Variants in SDK1 observed in about 807,000 individuals in gnomAD.
SDK1 encodes protein sidekick-1.
SDK1 carries 157 observed loss-of-function variants against 245.5 expected under a neutral mutation model. The observed-to-expected ratio is 0.64, with a 90% CI of 0.56 to 0.73. SDK1 has a LOEUF of 0.73. SDK1 is among the 30% of genes least tolerant of loss of function. The pLI is 0.00. For missense variants in SDK1, 3,583 were observed against 3,002.3 expected, an observed-to-expected ratio of 1.19 and a Z score of -4.52; for synonymous variants, 1,647 against 1,278.5, an observed-to-expected ratio of 1.29 and a Z score of -6.15.
intron 1 of SDK1, among the ~76,000 whole-genome samples, chr7:3,308,517 C>A (rs985460902): frequency 1.3e-5 from 2 of 151,732 alleles, no homozygotes; most frequent in Admixed American, 1.3e-4. Context: ...AAGATAACAG[C>A]TATCAATTAA....
At chr7:3,720,376 C>G (rs1785332807) in intron 4 of SDK1, among the ~76,000 whole-genome samples, 1 of 152,146 alleles carries the variant, frequency 6.6e-6, no homozygotes, top group Admixed American at 6.5e-5. Flanking sequence ...ATAGACTACT[C>G]TTAGAACTCA....
chr7:3,859,026 C>T (rs1042571228), intron 5 of SDK1, among the ~76,000 whole-genome samples: 4 of 148,968 alleles, frequency 2.7e-5, no homozygotes, highest in Admixed American at 2.0e-4. Flanking sequence ...CCATGCCCGG[C>T]TAATTTTTTG....
chr7:4,261,799 C>T (rs571609540), intron 44 of SDK1, among the ~76,000 whole-genome samples: 3 of 152,008 alleles, frequency 2.0e-5, no homozygotes, highest in South Asian at 4.2e-4. Context: ...CTGTGAGAGA[C>T]GGGGGCCCTG....
At chr7:3,799,549 C>G (rs951784910) in intron 4 of SDK1, among the ~76,000 whole-genome samples, 2 of 150,684 alleles carry the variant, frequency 1.3e-5, no homozygotes, top group Admixed American at 6.6e-5. Context: ...CTAAAAAATA[C>G]AAAAAATTAG....
At chr7:3,594,840 T>G (rs1369121167) in intron 1 of SDK1, among the ~76,000 whole-genome samples, 1 of 152,200 alleles carries the variant, frequency 6.6e-6, no homozygotes, top group Non-Finnish European at 1.5e-5. Flanking sequence ...GAGGATAGTT[T>G]TAAAATCAAG....
intron 1 of SDK1, among the ~76,000 whole-genome samples, chr7:3,465,463 G>C (rs950053986): frequency 5.9e-5 from 9 of 152,186 alleles, no homozygotes; most frequent in African/African-American, 2.2e-4. Flanking sequence ...GTTTCCACTA[G>C]GGATACTCTC....
intron 5 of SDK1, among the ~76,000 whole-genome samples, chr7:3,931,580 C>A (rs1779981257): frequency 1.3e-5 from 2 of 152,180 alleles, no homozygotes; most frequent in African/African-American, 2.4e-5. Flanking sequence ...GAAATCCTTG[C>A]TTTCTATTCA....
Position 3,967,375 on chromosome 7 carries a change from C to G in SDK1, c.1487C>G (p.Thr496Arg). 1.9e-6 allele frequency: 3 copies of G among 1,614,182 alleles called. No homozygotes were observed. Among genetic ancestry groups the G allele is most frequent in the Non-Finnish European group, 1.7e-6 (2 of 1,180,024 alleles). Residue 496 changes from threonine to arginine, a missense_variant, in exon 10 of 45, where the codon ACA becomes AGA. Physicochemically the swap from Thr to Arg is moderately conservative, Grantham distance 71 (BLOSUM62 -1). Coordinates refer to ENST00000404826, the MANE Select transcript of SDK1 (RefSeq NM_152744.4). ...PVDTTVTDGM[T>R]AILRCEVSGA... is the part of the protein sequence containing the mutation. The stretch of plus-strand genomic sequence containing the variant: ...GACACCACAGTTACTGACGGGATGA[C>G]AGCCATTCTAAGGTGTGAGGTGTCC...
intron 1 of SDK1, among the ~76,000 whole-genome samples, chr7:3,493,772 C>T (rs902640883): frequency 6.6e-6 from 1 of 152,178 alleles, no homozygotes; most frequent in Non-Finnish European, 1.5e-5. Flanking sequence ...GACATAGCTT[C>T]TATGACTTAT....
chr7:4,189,682 A>T (rs917496463), intron 35 of SDK1, among the ~76,000 whole-genome samples: 8 of 152,170 alleles, frequency 5.3e-5, no homozygotes, highest in Non-Finnish European at 1.2e-4. Context: ...CTCTACTAAA[A>T]ATACAAAAAT....
chr7:3,322,587 C>T (rs552740897), intron 1 of SDK1, among the ~76,000 whole-genome samples: 1 of 152,292 alleles, frequency 6.6e-6, no homozygotes, highest in Non-Finnish European at 1.5e-5. Context: ...ACAATTTCCA[C>T]CAACAATGTA....
At chr7:4,149,135 G>T in intron 29 of SDK1, 127 bp from the exon 30 acceptor site, 1 of 619,704 alleles carries the variant, frequency 1.6e-6, no homozygotes, top group Non-Finnish European at 2.5e-6. Flanking sequence ...GCTTCAGACT[G>T]TCCAAGGCAT....
At chr7:3,725,838 C>T (rs1185969988) in intron 4 of SDK1, among the ~76,000 whole-genome samples, 1 of 152,248 alleles carries the variant, frequency 6.6e-6, no homozygotes, top group Admixed American at 6.5e-5. Flanking sequence ...AATTTACTAC[C>T]GTAATAAAGT....
At chr7:3,419,349 G>C (rs1006873908) in intron 1 of SDK1, among the ~76,000 whole-genome samples, 8 of 152,144 alleles carry the variant, frequency 5.3e-5, no homozygotes, top group African/African-American at 1.9e-4. Context: ...GATAAAGTCA[G>C]TAATTAGGAT....
At position 4,149,399 on chromosome 7, in the gene SDK1, CG is replaced by C. The variant is rs1780202364; in HGVS notation, c.4565del (p.Gly1522ValfsTer22). On this transcript the variant is annotated frameshift_variant, in exon 30 of 45. Transcript: ENST00000404826. LOFTEE classifies it high-confidence loss of function. ...CACCATGCAGGTGCGAGAGCTGCCT[CG>C]GGGTGAGTGGCAGACCTACTCCTCG... ...YFTMQVRELP[R>X]GEWQTYSSSI... The C allele has an allele frequency of 1.9e-6, 3 of 1,581,802 alleles. No individual in the cohort carries two copies. Among genetic ancestry groups the C allele is most frequent in the Admixed American group, 1.8e-5 (1 of 55,756 alleles).
At chr7:3,852,975 G>C (rs1420934815) in intron 5 of SDK1, among the ~76,000 whole-genome samples, 1 of 151,912 alleles carries the variant, frequency 6.6e-6, no homozygotes. Context: ...TTTCCTACCT[G>C]ACCGTGTGGA....
chr7:3,857,299 A>G (rs1337036398), intron 5 of SDK1, among the ~76,000 whole-genome samples: 1 of 152,170 alleles, frequency 6.6e-6, no homozygotes, highest in African/African-American at 2.4e-5. Context: ...AGGAGGAGAA[A>G]GGGGAAAAAG....
chr7:4,004,468 A>G (rs1212567004), intron 14 of SDK1, among the ~76,000 whole-genome samples: 1 of 152,218 alleles, frequency 6.6e-6, no homozygotes, highest in Non-Finnish European at 1.5e-5. Flanking sequence ...ATGCAAAGTA[A>G]AGCATCAACC....
intron 5 of SDK1, among the ~76,000 whole-genome samples, chr7:3,907,630 C>G (rs1029613746): frequency 2.6e-5 from 4 of 152,174 alleles, no homozygotes; most frequent in African/African-American, 9.7e-5. Context: ...GGATATATCC[C>G]TAAGAGTGCG....
Sources: allele counts gnomAD v4.1 joint callset (sites outside exome capture counted in the v4.1 genomes callset), GRCh38; gene constraint gnomAD v4.1.1; transcripts MANE v1.5; gene names NCBI Gene and HGNC (gene_info 2026-07-23, HGNC 2026-07-21).